TRHDE: variants seen among roughly 807,000 people sequenced by gnomAD.
The protein encoded by TRHDE is thyrotropin-releasing hormone-degrading ectoenzyme.
A neutral mutation model predicts 125.7 loss-of-function variants in TRHDE; 72 were observed. The ratio of observed to expected loss-of-function variants is 0.57; its 90% CI spans 0.47 to 0.70. The LOEUF (loss-of-function observed/expected upper bound fraction) is 0.70. TRHDE is among the 30% of genes least tolerant of loss of function. The pLI, the probability that TRHDE is intolerant of heterozygous loss-of-function variation, is 0.00. For missense variants in TRHDE, 1,110 were observed against 1,327.1 expected, an observed-to-expected ratio of 0.84 and a Z score of 2.54; for synonymous variants, 509 against 509.1, an observed-to-expected ratio of 1.00 and a Z score of 0.00.
intron 5 of TRHDE, among the ~76,000 whole-genome samples, chr12:72,477,204 T>C (rs1448723909): frequency 1.3e-5 from 2 of 152,298 alleles, no homozygotes; most frequent in East Asian, 3.9e-4. Flanking sequence ...GTAGGCATCA[T>C]GGGCCTGGGA....
intron 2 of TRHDE, among the ~76,000 whole-genome samples, chr12:72,346,596 C>T (rs952686095): frequency 6.6e-6 from 1 of 152,038 alleles, no homozygotes; most frequent in Non-Finnish European, 1.5e-5. Flanking sequence ...ACCCTATGTA[C>T]TACTGTGCTA....
chr12:72,483,128 C>T (rs1296368653), intron 5 of TRHDE, among the ~76,000 whole-genome samples: 1 of 151,682 alleles, frequency 6.6e-6, no homozygotes, highest in Non-Finnish European at 1.5e-5. Flanking sequence ...CTGTATGCCT[C>T]CTCCCTTTTT....
At chr12:72,229,539 AT>A (rs890446873) in intron 2 of TRHDE, among the ~76,000 whole-genome samples, 1 of 152,210 alleles carries the variant, frequency 6.6e-6, no homozygotes, top group African/African-American at 2.4e-5. Context: ...AGCCTGGGTG[AT>A]AAGCAGCATG....
intron 17 of TRHDE, among the ~76,000 whole-genome samples, chr12:72,654,954 T>C (rs1405695095): frequency 6.6e-6 from 1 of 152,194 alleles, no homozygotes; most frequent in East Asian, 1.9e-4. Flanking sequence ...TATAAAACTT[T>C]CTATGTGAGA....
chr12:72,496,369 G>C (rs1382497704), intron 5 of TRHDE, among the ~76,000 whole-genome samples: 2 of 152,184 alleles, frequency 1.3e-5, no homozygotes, highest in Non-Finnish European at 2.9e-5. Context: ...AGTTCCACAT[G>C]GCTGGAGAGG....
chr12:72,279,960 CTG>C (rs1879634358), intron 1 of TRHDE, among the ~76,000 whole-genome samples: 1 of 152,134 alleles, frequency 6.6e-6, no homozygotes, highest in Non-Finnish European at 1.5e-5. Context: ...AGTTCAAAAA[CTG>C]TGGTTGTTGG....
intron 12 of TRHDE, among the ~76,000 whole-genome samples, chr12:72,617,976 G>GC (rs1480493329): frequency 2.0e-5 from 3 of 152,092 alleles, no homozygotes; most frequent in Non-Finnish European, 2.9e-5. Context: ...TCAAACCATA[G>GC]CAAATATCAA....
At chr12:72,361,701 A>T (rs909064524) in intron 2 of TRHDE, among the ~76,000 whole-genome samples, 1 of 147,274 alleles carries the variant, frequency 6.8e-6, no homozygotes, top group African/African-American at 2.5e-5. Context: ...TCCTAAAACT[A>T]TCCCTCCCAC....
chr12:72,379,690 A>T (rs1204419165), intron 3 of TRHDE, among the ~76,000 whole-genome samples: 2 of 152,224 alleles, frequency 1.3e-5, no homozygotes, highest in Non-Finnish European at 2.9e-5. Flanking sequence ...TGCAGCAGGA[A>T]GCATTTCTGT....
Position 72,344,718 on chromosome 12 carries a change from T to C in TRHDE, c.1189-33277T>C, listed in dbSNP as rs954086500. The stretch of plus-strand genomic sequence containing the variant: ...TGGGTCCTGGATTGCCCCTAATACA[T>C]GCAGAAGTGGAGGCCACTCCCAAGC... On this transcript the variant is annotated intron_variant, in intron 2 of 18. Transcript: ENST00000261180. Among the ~76,000 whole-genome samples the C allele has an allele frequency of 2.6e-5, 4 of 151,994 alleles. No individual in the cohort carries two copies. In the South Asian group the frequency reaches 6.2e-4, roughly 24 times the overall value.
Position 72,097,467 on chromosome 12 carries a change from T to A in TRHDE, n.175-8181T>A, listed in dbSNP as rs940703804. On this transcript the variant is annotated intron_variant and non_coding_transcript_variant, in intron 1 of 4. Coordinates refer to the TRHDE transcript ENST00000548156. Reference sequence around the variant, plus strand: ...TTTTTTTTTTTTTTTTTTTTTTTTTTAGACAGAGTTTTGCTCTGTTTTCCA... The same window carrying A: ...TTTTTTTTTTTTTTTTTTTTTTTTTAAGACAGAGTTTTGCTCTGTTTTCCA... Among the ~76,000 whole-genome samples the A allele has an allele frequency of 4.6e-5, 6 of 131,012 alleles. 1 individual carries two copies. Among genetic ancestry groups the A allele is most frequent in the Admixed American group, 4.2e-4 (5 of 11,908 alleles). The allele number at this position is 131,012 out of a possible 152,430, so 85.9% of individuals were successfully genotyped here.
chr12:72,482,317 A>C (rs1253172230), intron 5 of TRHDE, among the ~76,000 whole-genome samples: 2 of 151,918 alleles, frequency 1.3e-5, no homozygotes, highest in Non-Finnish European at 2.9e-5. Context: ...TTTACAGAGC[A>C]GCTCAAAAAT....
chr12:72,280,903 C>A (rs1879672671), intron 1 of TRHDE, among the ~76,000 whole-genome samples: 1 of 152,062 alleles, frequency 6.6e-6, no homozygotes, highest in Non-Finnish European at 1.5e-5. Context: ...TTGCCTCTTT[C>A]CAATAAAAAA....
chr12:72,457,786 A>C (rs1875931426), intron 3 of TRHDE, among the ~76,000 whole-genome samples: 1 of 152,174 alleles, frequency 6.6e-6, no homozygotes, highest in Non-Finnish European at 1.5e-5. Context: ...ATTTCTTTTA[A>C]AGGTAACCAC....
At chr12:72,460,966 G>A (rs1336182306) in intron 3 of TRHDE, among the ~76,000 whole-genome samples, 1 of 152,090 alleles carries the variant, frequency 6.6e-6, no homozygotes, top group Admixed American at 6.6e-5. Flanking sequence ...TTCTTCCATT[G>A]CAATTGACAG....
chr12:72,116,393 G>C (rs1370153982), intron 2 of TRHDE, among the ~76,000 whole-genome samples: 1 of 152,116 alleles, frequency 6.6e-6, no homozygotes, highest in Non-Finnish European at 1.5e-5. Flanking sequence ...GGATTGCTGG[G>C]TCAAATGGTA....
At chr12:72,290,950 A>T (rs115271996) in intron 2 of TRHDE, among the ~76,000 whole-genome samples, 1,560 of 152,330 alleles carry the variant, frequency 0.01, 28 homozygotes, top group African/African-American at 0.036. Flanking sequence ...AAAAGAGGGC[A>T]TTAGGCCCCA....
intron 2 of TRHDE, among the ~76,000 whole-genome samples, chr12:72,157,270 A>T (rs746228411): frequency 6.6e-6 from 1 of 152,156 alleles, no homozygotes; most frequent in Non-Finnish European, 1.5e-5. Flanking sequence ...GGTAGCTAGG[A>T]TCCTTGAAGG....
intron 3 of TRHDE, among the ~76,000 whole-genome samples, chr12:72,398,475 G>A (rs1872900181): frequency 6.6e-6 from 1 of 152,134 alleles, no homozygotes; most frequent in African/African-American, 2.4e-5. Context: ...TTATATAGCA[G>A]TGTCTATTTA....
Sources: gnomAD v4.1 joint callset for allele counts (sites outside exome capture counted in the v4.1 genomes callset) on GRCh38, gnomAD v4.1.1 for gene constraint, MANE v1.5 for transcripts, NCBI Gene and HGNC (gene_info 2026-07-23, HGNC 2026-07-21) for gene names.